Variants in PRKN observed in about 807,000 individuals in gnomAD.
PRKN encodes E3 ubiquitin-protein ligase parkin.
PRKN carries 56 observed loss-of-function variants against 59.5 expected under a neutral mutation model. That is an observed-to-expected ratio of 0.94 (90% CI 0.76 to 1.18). PRKN has a LOEUF of 1.18. PRKN is among the 50% of genes most tolerant of loss of function. The pLI, the probability that PRKN is intolerant of heterozygous loss-of-function variation, is 0.00. For synonymous variants in PRKN, 250 were observed against 222.1 expected, an observed-to-expected ratio of 1.13 and a Z score of -1.12; for missense variants, 657 against 596.4, an observed-to-expected ratio of 1.10 and a Z score of -1.06.
chr6:162,352,441 C>T (rs866124055), intron 2 of PRKN, among the ~76,000 whole-genome samples: 4 of 152,102 alleles, frequency 2.6e-5, no homozygotes, highest in East Asian at 1.9e-4. Context: ...TTGAGTTCAG[C>T]GTCTCTTAAT....
intron 5 of PRKN, among the ~76,000 whole-genome samples, chr6:162,040,805 G>A (rs1784040757): frequency 1.3e-5 from 2 of 152,006 alleles, no homozygotes; most frequent in Admixed American, 6.6e-5. Flanking sequence ...AACATTGAGG[G>A]AGGTCAAGTT....
intron 2 of PRKN, among the ~76,000 whole-genome samples, chr6:162,351,816 A>T (rs1784638084): frequency 6.6e-6 from 1 of 151,892 alleles, no homozygotes; most frequent in Non-Finnish European, 1.5e-5. Flanking sequence ...ATATACCCTG[A>T]GGTTTTTGTG....
At chr6:162,034,823 T>C (rs541188421) in intron 5 of PRKN, among the ~76,000 whole-genome samples, 1 of 152,220 alleles carries the variant, frequency 6.6e-6, no homozygotes, top group Non-Finnish European at 1.5e-5. Context: ...TGTTAACCTT[T>C]TATCACGGAA....
Position 162,437,528 on chromosome 6 carries a change from C to T in PRKN, c.171+5782G>A, listed in dbSNP as rs150307489. On this transcript the variant is annotated intron_variant, in intron 2 of 11. Coordinates refer to ENST00000366898, the MANE Select transcript of PRKN (RefSeq NM_004562.3). The stretch of plus-strand genomic sequence containing the variant: ...TGTTACAGTCAGCACAGAGGACGGC[C>T]GTCACCAAAGGGTCCCTTCTGTTAC... 1.3e-4 allele frequency among the ~76,000 whole-genome samples: 20 copies of T among 152,260 alleles called. 1 individual carries two copies. The East Asian group carries it at 3.7e-3, about 28-fold the overall frequency.
intron 4 of PRKN, among the ~76,000 whole-genome samples, chr6:162,098,693 T>A (rs987675142): frequency 1.3e-5 from 2 of 152,240 alleles, no homozygotes; most frequent in African/African-American, 4.8e-5. Context: ...ATTTCTACAT[T>A]ATTCCTACTT....
chr6:162,247,585 C>A (rs890105572), intron 3 of PRKN, among the ~76,000 whole-genome samples: 2 of 152,014 alleles, frequency 1.3e-5, no homozygotes, highest in Admixed American at 1.3e-4. Flanking sequence ...TGCATTAATG[C>A]AAAATTAAAA....
intron 3 of PRKN, among the ~76,000 whole-genome samples, chr6:162,225,256 T>C (rs1358076573): frequency 1.3e-5 from 2 of 152,150 alleles, no homozygotes; most frequent in Admixed American, 1.3e-4. Flanking sequence ...TCAGATGGCA[T>C]TAATCCATCC....
chr6:162,538,714 CTT>C (rs1778812225), intron 1 of PRKN, among the ~76,000 whole-genome samples: 1 of 152,138 alleles, frequency 6.6e-6, no homozygotes, highest in Non-Finnish European at 1.5e-5. Context: ...ACATGGCTCT[CTT>C]GTAAAGAGGT....
chr6:161,455,908 C>T (rs558309240), intron 9 of PRKN, among the ~76,000 whole-genome samples: 2 of 150,256 alleles, frequency 1.3e-5, no homozygotes, highest in South Asian at 2.1e-4. Flanking sequence ...AATACATATA[C>T]ACATACTTTA....
At chr6:162,225,579 T>C (rs942074043) in intron 3 of PRKN, among the ~76,000 whole-genome samples, 1 of 152,150 alleles carries the variant, frequency 6.6e-6, no homozygotes, top group Non-Finnish European at 1.5e-5. Context: ...CTGGAGAACC[T>C]GAGATCTCTG....
At chr6:161,928,590 T>C (rs1779053325) in intron 6 of PRKN, among the ~76,000 whole-genome samples, 1 of 152,204 alleles carries the variant, frequency 6.6e-6, no homozygotes, top group South Asian at 2.1e-4. Context: ...ATAGAAAATA[T>C]AACAATCATC....
chr6:161,733,789 T>TATATATATATATATATATATATAC (rs1562641725), intron 7 of PRKN, among the ~76,000 whole-genome samples: 3 of 61,752 alleles, frequency 4.9e-5, no homozygotes, highest in African/African-American at 2.1e-4. Flanking sequence ...AAAAAATATA[T>TATATATATATATATATATATATAC]ATATATATGT....
At chr6:162,420,376 G>C (rs1788899106) in intron 2 of PRKN, among the ~76,000 whole-genome samples, 1 of 152,086 alleles carries the variant, frequency 6.6e-6, no homozygotes. Flanking sequence ...TTAGTTAAAA[G>C]GTTGTCCTGC....
intron 1 of PRKN, among the ~76,000 whole-genome samples, chr6:162,626,538 G>A (rs1178020647): frequency 1.3e-5 from 2 of 152,014 alleles, no homozygotes; most frequent in African/African-American, 4.8e-5. Context: ...GGCTCAGGCC[G>A]GGTATGGTGG....
intron 9 of PRKN, among the ~76,000 whole-genome samples, chr6:161,517,694 C>T (rs911197115): frequency 3.8e-5 from 5 of 130,910 alleles, no homozygotes; most frequent in Non-Finnish European, 7.7e-5. Flanking sequence ...GAGCCGAGAT[C>T]GCGTCACTGC....
In PRKN at chr6:162,204,554, A is replaced by T. The variant is rs139949034; in HGVS notation, c.413-3302T>A. 8.5e-4 allele frequency among the ~76,000 whole-genome samples: 129 copies of T among 152,324 alleles called. 1 individual carries two copies. The highest frequency in any genetic ancestry group is 3.1e-3 in the African/African-American group (128 of 41,584). On this transcript the variant is annotated intron_variant, in intron 3 of 11. Coordinates refer to ENST00000366898, the MANE Select transcript of PRKN (RefSeq NM_004562.3). ...AAACTGCTCATGTTTATAAACCCAG[A>T]TTTACCAAATTCTCCTGGATATCTG...
chr6:162,684,940 A>G (rs1485619309), intron 1 of PRKN, among the ~76,000 whole-genome samples: 1 of 152,192 alleles, frequency 6.6e-6, no homozygotes, highest in Non-Finnish European at 1.5e-5. Context: ...ACTTAAAAGT[A>G]TAATTTAAGC....
intron 6 of PRKN, among the ~76,000 whole-genome samples, chr6:161,840,035 G>A (rs546281816): frequency 1.2e-3 from 177 of 152,358 alleles, no homozygotes; most frequent in South Asian, 2.5e-3. Context: ...GGCAACACTT[G>A]CCTACAGTTG....
intron 6 of PRKN, among the ~76,000 whole-genome samples, chr6:161,859,864 A>G (rs562329445): frequency 6.6e-6 from 1 of 152,318 alleles, no homozygotes; most frequent in East Asian, 1.9e-4. Flanking sequence ...ATATAAAGCA[A>G]CAATAATGGC....
Sources: gnomAD v4.1 joint callset for allele counts (sites outside exome capture counted in the v4.1 genomes callset) on GRCh38, gnomAD v4.1.1 for gene constraint, MANE v1.5 for transcripts, NCBI Gene and HGNC (gene_info 2026-07-23, HGNC 2026-07-21) for gene names.